Variants in ADARB2 observed in about 807,000 individuals in gnomAD.
The protein encoded by ADARB2 is inactive double-stranded RNA-specific editase B2.
ADARB2 carries 25 observed loss-of-function variants against 62.2 expected under a neutral mutation model. The ratio of observed to expected loss-of-function variants is 0.40; its 90% confidence interval spans 0.29 to 0.56. The LOEUF (loss-of-function observed/expected upper bound fraction) is 0.56, where lower values mean the gene tolerates loss of function less well. Ranked by LOEUF, ADARB2 falls within the 20% of genes least tolerant of loss-of-function variation. ADARB2 has a pLI of 0.43. For synonymous variants in ADARB2, 572 were observed against 500.8 expected, an observed-to-expected ratio of 1.14 and a Z score of -1.90; for missense variants, 1,071 against 1,077.4, an observed-to-expected ratio of 0.99 and a Z score of 0.08.
intron 1 of ADARB2, among the ~76,000 whole-genome samples, chr10:1,622,127 G>C (rs923120355): frequency 6.6e-6 from 1 of 152,020 alleles, no homozygotes; most frequent in African/African-American, 2.4e-5. Flanking sequence ...AAATGGTTCT[G>C]GTTCTACTGT....
chr10:1,587,390 T>C (rs1307579119), intron 1 of ADARB2, among the ~76,000 whole-genome samples: 2 of 152,204 alleles, frequency 1.3e-5, no homozygotes, highest in Non-Finnish European at 2.9e-5. Context: ...TTGTTTTAAA[T>C]ATAGGACTTT....
At chr10:1,723,317 C>T (rs575910576) in intron 1 of ADARB2, among the ~76,000 whole-genome samples, 3 of 152,340 alleles carry the variant, frequency 2.0e-5, no homozygotes, top group African/African-American at 7.2e-5. Context: ...CTCTGGGGAC[C>T]TGAGCTCTCC....
chr10:1,562,526 C>A (rs1298106994), intron 1 of ADARB2, among the ~76,000 whole-genome samples: 1 of 152,218 alleles, frequency 6.6e-6, no homozygotes, highest in African/African-American at 2.4e-5. Flanking sequence ...CTCCCTGGAA[C>A]TGGCTCAGTA....
At chr10:1,623,010 C>T (rs936214550) in intron 1 of ADARB2, among the ~76,000 whole-genome samples, 2 of 152,144 alleles carry the variant, frequency 1.3e-5, no homozygotes, top group Non-Finnish European at 2.9e-5. Context: ...GTGCAAACTA[C>T]GGACACGCGC....
At chr10:1,628,323 GATGTTAGGCT>G (rs1833797957) in intron 1 of ADARB2, among the ~76,000 whole-genome samples, 1 of 152,208 alleles carries the variant, frequency 6.6e-6, no homozygotes, top group Admixed American at 6.5e-5. Flanking sequence ...GCTTTCTACC[GATGTTAGGCT>G]GCGTTACGAT....
chr10:1,737,215 G>A lies in ADARB2; in HGVS notation c.-65C>T, dbSNP rs1292145804. ...CTGCACCTGCACCTGCCTCCTTCCC[G>A]GCAGCCGCCGCCGCCGCTGCTGCGA... On this transcript the variant is annotated 5_prime_UTR_variant, in exon 1 of 10. Coordinates refer to ENST00000381312, the MANE Select transcript of ADARB2 (RefSeq NM_018702.4). The A allele has an allele frequency of 4.6e-6, 7 of 1,536,724 alleles. No individual in the cohort carries two copies. The East Asian group carries it at 1.1e-4, about 25-fold the overall frequency.
intron 1 of ADARB2, among the ~76,000 whole-genome samples, chr10:1,725,348 A>AG (rs371605179): frequency 6.6e-6 from 1 of 152,176 alleles, no homozygotes; most frequent in African/African-American, 2.4e-5. Context: ...CATCATGGGT[A>AG]GGGGGGCCTC....
rs570040295 is a variant in ADARB2, at chr10:1,476,216, G to A, written c.101-97056C>T. Reference sequence around the variant, plus strand: ...GAGGCAGAGAGAGAAAGGGAGAGATGAGGGCTGCAGGAAGGAGCCTGGAGT... The same window carrying A: ...GAGGCAGAGAGAGAAAGGGAGAGATAAGGGCTGCAGGAAGGAGCCTGGAGT... On this transcript the variant is annotated intron_variant, in intron 1 of 9. Transcript: ENST00000381312. Among the ~76,000 whole-genome samples the A allele has an allele frequency of 5.3e-5, 8 of 152,278 alleles. No individual in the cohort carries two copies. In the East Asian group the frequency reaches 1.6e-3, roughly 30 times the overall value.
chr10:1,570,933 C>T (rs1220007695), intron 1 of ADARB2, among the ~76,000 whole-genome samples: 2 of 152,150 alleles, frequency 1.3e-5, no homozygotes, highest in Non-Finnish European at 2.9e-5. Flanking sequence ...TCTGAGAGCA[C>T]AGTCTGGCCA....
intron 1 of ADARB2, among the ~76,000 whole-genome samples, chr10:1,416,568 A>G (rs1249977076): frequency 6.6e-6 from 1 of 152,226 alleles, no homozygotes; most frequent in Non-Finnish European, 1.5e-5. Flanking sequence ...TAGAGCAGGT[A>G]ACTGGCTGGG....
chr10:1,248,370 C>T (rs1040422941), intron 4 of ADARB2, among the ~76,000 whole-genome samples: 1 of 150,102 alleles, frequency 6.7e-6, no homozygotes, highest in Non-Finnish European at 1.5e-5. Flanking sequence ...CACTCACAGG[C>T]GTGCAGGAGG....
At chr10:1,515,290 C>T (rs564212947) in intron 1 of ADARB2, among the ~76,000 whole-genome samples, 6 of 152,320 alleles carry the variant, frequency 3.9e-5, no homozygotes, top group East Asian at 1.9e-4. Context: ...CTGGATCCCC[C>T]GCTGGGAACC....
At chr10:1,708,244 A>T (rs998321385) in intron 1 of ADARB2, among the ~76,000 whole-genome samples, 1 of 152,006 alleles carries the variant, frequency 6.6e-6, no homozygotes, top group Non-Finnish European at 1.5e-5. Context: ...GGAGTTTTCT[A>T]TGTTGCAGGA....
chr10:1,276,724 A>G (rs1831321427), intron 3 of ADARB2, among the ~76,000 whole-genome samples: 1 of 152,220 alleles, frequency 6.6e-6, no homozygotes, highest in South Asian at 2.1e-4. Context: ...AAGGATATCC[A>G]GGAATTGAAC....
At chr10:1,736,978 A>T in intron 1 of ADARB2, 73 bp downstream of exon 1, 1 of 1,475,922 alleles carries the variant, frequency 6.8e-7, no homozygotes, top group Admixed American at 1.7e-5. Context: ...AAGCCCGGAG[A>T]CCCCATGAGA....
At chr10:1,260,479 A>G (rs1420032952) in intron 4 of ADARB2, among the ~76,000 whole-genome samples, 1 of 150,990 alleles carries the variant, frequency 6.6e-6, no homozygotes, top group African/African-American at 2.4e-5. Flanking sequence ...TCAATGTACA[A>G]AAATCACAAG....
chr10:1,728,785 G>GT (rs1835197021), intron 1 of ADARB2, among the ~76,000 whole-genome samples: 1 of 152,198 alleles, frequency 6.6e-6, no homozygotes, highest in African/African-American at 2.4e-5. Flanking sequence ...GTTCCTGAGA[G>GT]TGAAACAGTA....
chr10:1,572,180 T>C (rs983444827), intron 1 of ADARB2, among the ~76,000 whole-genome samples: 2 of 146,102 alleles, frequency 1.4e-5, no homozygotes, highest in African/African-American at 5.1e-5. Context: ...TGCAGGCGAG[T>C]AGGCAGGTGA....
At position 1,363,565 on chromosome 10, in the gene ADARB2, G is replaced by A. The variant is rs758622725; in HGVS notation, c.540C>T (p.Arg180=). 3 of 1,576,604 alleles carry A rather than the reference G, an allele frequency of 1.9e-6. No homozygotes were observed. Among genetic ancestry groups the A allele is most frequent in the South Asian group, 2.3e-5 (2 of 87,374 alleles). Residue 180 remains arginine (R), a synonymous_variant, in exon 3 of 10, where the codon CGC becomes CGT. Transcript: ENST00000381312. ...TGPTKKKAKM[R]AAELALRSFV... The stretch of plus-strand genomic sequence containing the variant: ...AGGACCTGAGTGCCAGCTCCGCCGC[G>A]CGCATCTTGGCCTTCTTCTTGGTGG...
Sources: gnomAD v4.1 joint callset for allele counts (sites outside exome capture counted in the v4.1 genomes callset) on GRCh38, gnomAD v4.1.1 for gene constraint, MANE v1.5 for transcripts, NCBI Gene and HGNC (gene_info 2026-07-23, HGNC 2026-07-21) for gene names.